Variants in KIF15 observed in about 807,000 individuals in gnomAD.
The protein encoded by KIF15 is kinesin family member 15.
Under a neutral mutation model 190.6 loss-of-function variants are expected in KIF15, and 140 were observed. The observed-to-expected ratio is 0.73, with a 90% confidence interval of 0.64 to 0.84. KIF15 has a LOEUF of 0.84. KIF15 is among the 40% of genes least tolerant of loss of function. The probability of loss-of-function intolerance (pLI) is 0.00; values close to 1 mark genes in which losing one functional copy is unlikely to be tolerated. For synonymous variants in KIF15, 528 were observed against 551.3 expected (o/e 0.96, Z 0.59); for missense variants, 1,372 against 1,584.4 (o/e 0.87, Z 2.28).
At chr3:44,797,169 A>G (rs1707028573) in intron 8 of KIF15, among the ~76,000 whole-genome samples, 1 of 152,124 alleles carries the variant, frequency 6.6e-6, no homozygotes, top group African/African-American at 2.4e-5. Context: ...CTGGGACTAC[A>G]GGCATGTGCC....
chr3:44,841,488 C>T (rs543139619), intron 29 of KIF15, among the ~76,000 whole-genome samples: 1 of 151,612 alleles, frequency 6.6e-6, no homozygotes, highest in East Asian at 1.9e-4. Flanking sequence ...AGCTCCGCCT[C>T]CCAGGTTCAC....
chr3:44,861,843 C>A, intron 6 of KIF15: 1 of 1,392,580 alleles, frequency 7.2e-7, no homozygotes, highest in Admixed American at 2.1e-5. Context: ...AGGAGCGTCG[C>A]GTCACGTGAG....
intron 27 of KIF15, among the ~76,000 whole-genome samples, chr3:44,838,956 AC>A (rs1427604638): frequency 1.3e-5 from 2 of 152,080 alleles, no homozygotes. Flanking sequence ...GTTATGCCTG[AC>A]TTTTATCATA....
At position 44,830,707 on chromosome 3, in the gene KIF15, A is replaced by G. The variant is rs1210290952; in HGVS notation, c.3049-189A>G. Among the ~76,000 whole-genome samples, 5 of 152,228 alleles carry G rather than the reference A, an allele frequency of 3.3e-5. No homozygotes were observed. In the East Asian group the frequency reaches 9.7e-4, roughly 29 times the overall value. ...CAAACCCTGTGTTTTTTTCACTGAT[A>G]CTTAGAGGACTTTTCCATTTCTCTT... On this transcript the variant is annotated intron_variant, in intron 25 of 34. Transcript: ENST00000326047.
intron 5 of KIF15, among the ~76,000 whole-genome samples, chr3:44,783,163 T>C (rs1706244385): frequency 6.6e-6 from 1 of 152,152 alleles, no homozygotes; most frequent in African/African-American, 2.4e-5. Flanking sequence ...CTATTTGTGT[T>C]GCTGTAAAGG....
At position 44,822,011 on chromosome 3, in the gene KIF15, G is replaced by A. The variant is rs566786748; in HGVS notation, c.2550-4028G>A. 4.8e-4 allele frequency among the ~76,000 whole-genome samples: 73 copies of A among 152,312 alleles called. 1 individual carries two copies. The South Asian group carries it at 0.014, about 29-fold the overall frequency. On this transcript the variant is annotated intron_variant, in intron 20 of 34. Transcript: ENST00000326047. ...TGGCGGTGCGTGCCTGCAATTGCAGGCACTCGGCAAGCTGAGGCAGGAGAA... is the reference window on the plus strand; with the variant it reads ...TGGCGGTGCGTGCCTGCAATTGCAGACACTCGGCAAGCTGAGGCAGGAGAA...
chr3:44,805,621 G>T (rs536058284), intron 15 of KIF15, among the ~76,000 whole-genome samples: 1 of 152,056 alleles, frequency 6.6e-6, no homozygotes, highest in Non-Finnish European at 1.5e-5. Context: ...TATTTGTTTG[G>T]GCTTTTGAAT....
At chr3:44,806,115 C>G (rs1707488168) in intron 16 of KIF15, 129 bp downstream of exon 16, 1 of 1,026,010 alleles carries the variant, frequency 9.7e-7, no homozygotes, top group African/African-American at 1.6e-5. Context: ...ACCGGTGTCA[C>G]ACTGGTCTTT....
rs1176877658 is a variant in KIF15, at chr3:44,786,427, T to C, written c.492T>C (p.Cys164=). 6.2e-7 allele frequency: 1 copy of C among 1,610,810 alleles called. No homozygotes were observed. The highest frequency in any genetic ancestry group is 1.3e-5 in the African/African-American group (1 of 74,890). The change falls in exon 7 of 35, where the codon TGT becomes TGC. Residue 164 remains cysteine, a synonymous_variant. Transcript: ENST00000326047. ...CTGGAAAGAGTTTCCTTTGTAAGTG[T>C]TCCTTTATTGAAATCTACAACGAGC... The part of the protein sequence containing the change: ...AGAGKSFLCK[C]SFIEIYNEQI...
intron 23 of KIF15, 24 bp from the exon 24 acceptor site, chr3:44,828,190 A>G: frequency 1.9e-6 from 3 of 1,559,708 alleles, no homozygotes; most frequent in Non-Finnish European, 1.8e-6. Flanking sequence ...TTATTCTTCT[A>G]AAAATATTTC....
chr3:44,846,322 T>G (rs1309748259), intron 30 of KIF15, among the ~76,000 whole-genome samples: 2 of 152,194 alleles, frequency 1.3e-5, no homozygotes, highest in Non-Finnish European at 2.9e-5. Context: ...ACCGTATTTG[T>G]GACTAATTGT....
intron 6 of KIF15, among the ~76,000 whole-genome samples, chr3:44,864,773 G>C (rs959236212): frequency 6.6e-6 from 1 of 152,168 alleles, no homozygotes; most frequent in Admixed American, 6.5e-5. Context: ...CAAATACCAT[G>C]TACCTGCTGT....
chr3:44,861,529 G>C (rs1291464899), intron 6 of KIF15, among the ~76,000 whole-genome samples: 1 of 152,210 alleles, frequency 6.6e-6, no homozygotes, highest in Non-Finnish European at 1.5e-5. Context: ...GAGCGGAGAA[G>C]CCTGGTCGAC....
At chr3:44,862,089 C>T (rs1477417484) in intron 6 of KIF15, 2 of 1,297,678 alleles carry the variant, frequency 1.5e-6, no homozygotes, top group East Asian at 2.9e-5. Flanking sequence ...TGGCCGCCGC[C>T]TCCGCCAAGC....
At chr3:44,826,316 A>G (rs1697642672) in intron 21 of KIF15, 59 bp from the exon 22 acceptor site, 2 of 1,566,552 alleles carry the variant, frequency 1.3e-6, no homozygotes, top group African/African-American at 1.4e-5. Context: ...GGTACTTGAC[A>G]TGTTCGTTGA....
chr3:44,832,934 C>T (rs1384613442), intron 26 of KIF15, among the ~76,000 whole-genome samples: 1 of 144,474 alleles, frequency 6.9e-6, no homozygotes, highest in Non-Finnish European at 1.5e-5. Context: ...AAAATGGTTG[C>T]AGGAGGCAGA....
chr3:44,800,421 A>G lies in KIF15; in HGVS notation c.1206A>G (p.Glu402=). Residue 402 remains glutamate (E), a synonymous_variant, in exon 11 of 35, where the codon GAA becomes GAG. Coordinates refer to ENST00000326047, the MANE Select transcript of KIF15 (RefSeq NM_020242.3). ...TTGCTTCAGGACAGACACCACCAGA[A>G]AGCTTCCTGACCAGAGGTAGGATGA... ...AELASGQTPP[E]SFLTRDKKKT... 5 of 1,614,104 alleles carry G rather than the reference A, an allele frequency of 3.1e-6. No individual in the cohort carries two copies. Among genetic ancestry groups the G allele is most frequent in the Non-Finnish European group, 4.2e-6 (5 of 1,179,970 alleles).
At chr3:44,764,393 A>T (rs541043183) in intron 1 of KIF15, among the ~76,000 whole-genome samples, 1 of 152,152 alleles carries the variant, frequency 6.6e-6, no homozygotes, top group Admixed American at 6.5e-5. Flanking sequence ...TCAACTGAAC[A>T]TTATGTCTGT....
intron 10 of KIF15, among the ~76,000 whole-genome samples, chr3:44,799,561 CTT>C (rs749598603): frequency 1.8e-4 from 25 of 140,316 alleles, no homozygotes; most frequent in African/African-American, 1.6e-4. Flanking sequence ...AATTAATCAA[CTT>C]TTTTTTTTTT....
Sources: allele counts gnomAD v4.1 joint callset (sites outside exome capture counted in the v4.1 genomes callset), GRCh38; gene constraint gnomAD v4.1.1; transcripts MANE v1.5; gene names NCBI Gene and HGNC (gene_info 2026-07-23, HGNC 2026-07-21).